The following CYTL1 variants were observed in gnomAD, a reference collection of about 807,000 sequenced individuals.
CYTL1 encodes cytokine-like protein 1.
In CYTL1, 17 loss-of-function variants were observed where a neutral mutation model predicts 13.1. The observed-to-expected ratio is 1.29, with a 90% CI of 0.89 to 1.94. CYTL1 has a LOEUF of 1.94. Among genes scored for constraint, CYTL1 ranks in the 30% most tolerant of loss-of-function variants. The pLI, the probability that CYTL1 is intolerant of heterozygous loss-of-function variation, is 0.00. For missense variants in CYTL1, 213 were observed against 174.8 expected, an observed-to-expected ratio of 1.22 and a Z score of -1.23; for synonymous variants, 91 against 79.4, an observed-to-expected ratio of 1.15 and a Z score of -0.78.
chr4:5,018,900 A>G (rs1741132705), intron 1 of CYTL1, among the ~76,000 whole-genome samples: 2 of 151,892 alleles, frequency 1.3e-5, no homozygotes, highest in Non-Finnish European at 2.9e-5. Context: ...ACTCCTCACT[A>G]GGCTAACAAA....
intron 1 of CYTL1, among the ~76,000 whole-genome samples, chr4:5,019,003 C>CTTTTTTTTTTTT (rs1186542271): frequency 2.3e-4 from 21 of 89,640 alleles, no homozygotes; most frequent in African/African-American, 3.1e-4. Context: ...TTTCTTTTTT[C>CTTTTTTTTTTTT]TTTTTTTTTT....
At position 5,016,928 on chromosome 4, in the gene CYTL1, C is replaced by A. The variant is rs1741087355; in HGVS notation, c.235G>T (p.Ala79Ser). The change falls in exon 3 of 4, where the codon GCC (alanine) becomes TCC (serine). Residue 79 changes from alanine (A) to serine (S), a missense_variant. Coordinates refer to ENST00000307746, the MANE Select transcript of CYTL1 (RefSeq NM_018659.3). The part of the protein sequence containing the change: ...CVLDKLRDFV[A>S]SPPCWKVAQV... Reference sequence around the variant, plus strand: ...GCCACTTTCCAACACGGGGGCGAGGCCACAAAGTCCCGCAGCTTGTCCAGC... The same window carrying A: ...GCCACTTTCCAACACGGGGGCGAGGACACAAAGTCCCGCAGCTTGTCCAGC... The A allele has an allele frequency of 6.2e-7, 1 of 1,614,104 alleles. No homozygotes were observed. Among genetic ancestry groups the A allele is most frequent in the Non-Finnish European group, 8.5e-7 (1 of 1,180,052 alleles).
rs979571740 is a variant in CYTL1 at position 5,016,938 on chromosome 4, C to T, written c.225G>A (p.Arg75=). ...IHNYCVLDKL[R]DFVASPPCWK... ...AACACGGGGGCGAGGCCACAAAGTC[C>T]CGCAGCTTGTCCAGCACACAGTAAT... is the stretch of plus-strand genomic sequence containing the variant. The change falls in exon 3 of 4, where the codon CGG becomes CGA. Residue 75 remains arginine (R), a synonymous_variant. Coordinates refer to ENST00000307746, the MANE Select transcript of CYTL1 (RefSeq NM_018659.3). The T allele has an allele frequency of 1.2e-6, 2 of 1,614,076 alleles. No homozygotes were observed. Among genetic ancestry groups the T allele is most frequent in the African/African-American group, 2.7e-5 (2 of 74,912 alleles).
intron 2 of CYTL1, 49 bp downstream of exon 2, chr4:5,017,086 C>T: frequency 6.2e-7 from 1 of 1,608,716 alleles, no homozygotes; most frequent in Non-Finnish European, 8.5e-7. Flanking sequence ...AGGTTCAGAC[C>T]TGAGTCCCTC....
rs767742471 is a variant in CYTL1, at chr4:5,019,273, T to C, written c.153+20A>G. The C allele has an allele frequency of 6.9e-7, 1 of 1,459,638 alleles. No individual in the cohort carries two copies. Among genetic ancestry groups the C allele is most frequent in the Non-Finnish European group, 9.0e-7 (1 of 1,107,840 alleles). 90.4% of individuals were successfully genotyped at this position (1,459,638 alleles called of 1,614,324 possible). On this transcript the variant is annotated intron_variant, in intron 1 of 3. Transcript: ENST00000307746. ...CTGGGTCTGCCATGCACCCCTGTCC[T>C]GAGCGGGCGGGGGACTCACCGAGGG... is the stretch of plus-strand genomic sequence containing the variant.
chr4:5,018,606 A>G (rs1741128397), intron 1 of CYTL1, among the ~76,000 whole-genome samples: 1 of 152,202 alleles, frequency 6.6e-6, no homozygotes, highest in Non-Finnish European at 1.5e-5. Context: ...AGTCCCCAAA[A>G]GCCCTCCCGG....
At chr4:5,015,469 A>G (rs1741053127) in intron 3 of CYTL1, among the ~76,000 whole-genome samples, 1 of 148,992 alleles carries the variant, frequency 6.7e-6, no homozygotes, top group Admixed American at 6.8e-5. Context: ...GTTTTATGGA[A>G]TTCACACATA....
intron 1 of CYTL1, 77 bp downstream of exon 1, chr4:5,019,213 CTTT>C (rs372627440): frequency 2.0e-6 from 2 of 978,946 alleles, no homozygotes; most frequent in Middle Eastern, 2.5e-4. Context: ...CTCTCTCTCT[CTTT>C]TTTTTTTCGT....
intron 1 of CYTL1, 45 bp from the exon 2 acceptor site, chr4:5,017,224 C>G (rs1004834029): frequency 1.1e-5 from 18 of 1,594,948 alleles, no homozygotes; most frequent in Admixed American, 1.7e-5. Context: ...CAGGGGCATA[C>G]CTGGTCACAA....
In CYTL1 at chr4:5,014,789, A is replaced by G. The variant is rs1741033347; in HGVS notation, c.*362T>C. ...GTTTCTATCAAGAAAGAATAAAAGT[A>G]CCATTACTCCATTAAACCAGTAATA... is the stretch of plus-strand genomic sequence containing the variant. On this transcript the variant is annotated 3_prime_UTR_variant, in exon 4 of 4. Coordinates refer to ENST00000307746, the MANE Select transcript of CYTL1 (RefSeq NM_018659.3). The G allele has an allele frequency of 9.2e-6, 2 of 216,600 alleles. No individual in the cohort carries two copies. The highest frequency in any genetic ancestry group is 1.8e-5 in the Non-Finnish European group (2 of 110,308). The allele number at this position is 216,600 out of a possible 1,614,324, so 13.4% of individuals were successfully genotyped here. A position where few individuals can be genotyped will look rare whatever the true frequency, so the allele number is the denominator to read the frequency against.
At chr4:5,016,695 G>T in intron 3 of CYTL1, 141 bp downstream of exon 3, 2 of 1,060,992 alleles carry the variant, frequency 1.9e-6, no homozygotes, top group Non-Finnish European at 2.8e-6. Flanking sequence ...TTGAGAAAGG[G>T]CTTTGTGAAC....
rs765122406 is a variant in CYTL1, at chr4:5,017,117, C to T, written c.198+18G>A. The T allele has an allele frequency of 1.5e-5, 24 of 1,612,836 alleles. No individual in the cohort carries two copies. Among genetic ancestry groups the T allele is most frequent in the Middle Eastern group, 3.3e-4 (2 of 6,074 alleles). On this transcript the variant is annotated intron_variant, in intron 2 of 3. Coordinates refer to ENST00000307746, the MANE Select transcript of CYTL1 (RefSeq NM_018659.3). ...CCCTCAGCCCAAGACCTCCCTCCCC[C>T]AGGGAGAACCCTCTTACGTGTATGT...
intron 1 of CYTL1, among the ~76,000 whole-genome samples, chr4:5,018,190 C>G (rs1741119574): frequency 6.6e-6 from 1 of 152,012 alleles, no homozygotes; most frequent in East Asian, 1.9e-4. Context: ...CTGTTTGACC[C>G]AAATTTTGTT....
Position 5,019,387 on chromosome 4 carries a change from G to T in CYTL1, c.59C>A (p.Ala20Glu). 1 of 1,497,044 alleles carries T rather than the reference G, an allele frequency of 6.7e-7. No individual in the cohort carries two copies. Among genetic ancestry groups the T allele is most frequent in the Non-Finnish European group, 8.8e-7 (1 of 1,131,304 alleles). 92.7% of individuals were successfully genotyped at this position (1,497,044 alleles called of 1,614,324 possible). Residue 20 changes from alanine (A) to glutamate (E), a missense_variant, in exon 1 of 4, where the codon GCG becomes GAG. By Grantham distance (107) the Ala-to-Glu change is moderately radical. Coordinates refer to ENST00000307746, the MANE Select transcript of CYTL1 (RefSeq NM_018659.3). ...GTAGCAGGTCGGGGGAGTGGGCCGC[G>T]CGGCGGGGGCTCCCGCCAGGAGCAG... ...LLLLLAGAPA[A>E]RPTPPTCYSR...
intron 3 of CYTL1, 100 bp downstream of exon 3, chr4:5,016,736 C>T: frequency 6.9e-7 from 1 of 1,449,914 alleles, no homozygotes; most frequent in Non-Finnish European, 9.5e-7. Context: ...CTCTGCTCCT[C>T]TTCCTTGTCA....
intron 2 of CYTL1, 79 bp downstream of exon 2, chr4:5,017,056 T>C (rs1741090537): frequency 6.2e-7 from 1 of 1,606,176 alleles, no homozygotes; most frequent in Non-Finnish European, 8.5e-7. Flanking sequence ...CCTGACTCTG[T>C]GCCACACAGC....
rs771311426 is a variant in CYTL1 at position 5,016,924 on chromosome 4, G to T, written c.239C>A (p.Ser80Ter). The T allele has an allele frequency of 2.5e-6, 4 of 1,614,068 alleles. No individual in the cohort carries two copies. The South Asian group carries it at 4.4e-5, about 18-fold the overall frequency. Residue 80 changes from serine to a stop codon, truncating the protein, a stop_gained, in exon 3 of 4, where the codon TCG becomes TAG. Transcript: ENST00000307746. LOFTEE classifies it high-confidence loss of function. ...CTGGGCCACTTTCCAACACGGGGGC[G>T]AGGCCACAAAGTCCCGCAGCTTGTC... Reference protein sequence around the residue: ...VLDKLRDFVASPPCWKVAQVD... With the variant: ...VLDKLRDFVA
At chr4:5,016,078 C>T (rs1030884507) in intron 3 of CYTL1, among the ~76,000 whole-genome samples, 49 of 152,086 alleles carry the variant, frequency 3.2e-4, no homozygotes, top group African/African-American at 1.1e-3. Flanking sequence ...AGGGCTCTGC[C>T]CTTATGAATG....
intron 3 of CYTL1, among the ~76,000 whole-genome samples, chr4:5,016,121 T>C (rs577381503): frequency 2.6e-5 from 4 of 152,180 alleles, no homozygotes; most frequent in African/African-American, 9.7e-5. Context: ...GAGGGTTGCT[T>C]ATTGCAGGGG....
Sources: gnomAD v4.1 joint callset for allele counts (sites outside exome capture counted in the v4.1 genomes callset) on GRCh38, gnomAD v4.1.1 for gene constraint, MANE v1.5 for transcripts, NCBI Gene and HGNC (gene_info 2026-07-23, HGNC 2026-07-21) for gene names.